ATG5: variants seen among roughly 807,000 people sequenced by gnomAD.
ATG5 encodes autophagy related 5.
In ATG5, 14 loss-of-function variants were observed where a neutral mutation model predicts 36.5. That is an observed-to-expected ratio of 0.38 (90% CI 0.25 to 0.60). The LOEUF is 0.60. ATG5 is among the 20% of genes least tolerant of loss of function. The pLI is 0.60. For synonymous variants in ATG5, 95 were observed against 101.5 expected (o/e 0.94, Z 0.38); for missense variants, 195 against 326.7 (o/e 0.60, Z 3.11).
At chr6:106,237,706 C>G (rs1360451046) in intron 6 of ATG5, among the ~76,000 whole-genome samples, 1 of 152,100 alleles carries the variant, frequency 6.6e-6, no homozygotes, top group African/African-American at 2.4e-5. Flanking sequence ...ATTGAAAATC[C>G]AGTCCCGAAT....
At chr6:106,186,757 T>C (rs561574434) in intron 7 of ATG5, 81 bp from the exon 8 acceptor site, 5 of 1,477,460 alleles carry the variant, frequency 3.4e-6, no homozygotes, top group African/African-American at 2.8e-5. Flanking sequence ...TGAGAATCCT[T>C]AGTGCATTAA....
intron 5 of ATG5, among the ~76,000 whole-genome samples, chr6:106,274,173 C>T (rs900640112): frequency 6.6e-6 from 1 of 152,086 alleles, no homozygotes; most frequent in South Asian, 2.1e-4. Context: ...TATAGATTTC[C>T]TCAAATCACT....
chr6:106,209,469 G>C (rs6930834), intron 6 of ATG5, among the ~76,000 whole-genome samples: 12,423 of 152,228 alleles, frequency 0.082, 535 homozygotes, highest in South Asian at 0.13. Flanking sequence ...TATAACATTA[G>C]TGAAATGACA....
intron 6 of ATG5, among the ~76,000 whole-genome samples, chr6:106,223,342 A>G (rs1215119138): frequency 6.6e-6 from 1 of 152,220 alleles, no homozygotes; most frequent in African/African-American, 2.4e-5. Flanking sequence ...AACTATTCCA[A>G]TAAAGCTGGA....
intron 3 of ATG5, among the ~76,000 whole-genome samples, chr6:106,307,021 A>C (rs1240079663): frequency 1.3e-5 from 2 of 152,232 alleles, no homozygotes; most frequent in African/African-American, 4.8e-5. Flanking sequence ...GAACCATCTC[A>C]AAGGATTAGA....
chr6:106,243,468 T>TC (rs1257471328), intron 6 of ATG5, among the ~76,000 whole-genome samples: 11 of 150,778 alleles, frequency 7.3e-5, no homozygotes, highest in Non-Finnish European at 1.5e-4. Context: ...GCAGAGGCTG[T>TC]AGTGAGCTGA....
chr6:106,250,798 G>A (rs755242658), intron 5 of ATG5, among the ~76,000 whole-genome samples: 29 of 152,134 alleles, frequency 1.9e-4, no homozygotes, highest in Non-Finnish European at 3.8e-4. Flanking sequence ...AAGTAAACTG[G>A]AAAAAGAAAC....
intron 6 of ATG5, among the ~76,000 whole-genome samples, chr6:106,231,556 ATG>A (rs1354069513): frequency 2.0e-5 from 3 of 151,918 alleles, no homozygotes; most frequent in African/African-American, 7.3e-5. Flanking sequence ...GAGTTATTCA[ATG>A]ATGTCCACTA....
At chr6:106,255,710 A>G (rs917599523) in intron 5 of ATG5, among the ~76,000 whole-genome samples, 2 of 152,178 alleles carry the variant, frequency 1.3e-5, no homozygotes, top group African/African-American at 4.8e-5. Context: ...TAAAAAACAA[A>G]TTATTCTGTT....
chr6:106,322,553 CCTCT>C (rs1170048111), intron 1 of ATG5, among the ~76,000 whole-genome samples: 2 of 152,294 alleles, frequency 1.3e-5, no homozygotes, highest in African/African-American at 2.4e-5. Context: ...TCCTCCTCCT[CCTCT>C]CTCTCAGCTA....
At chr6:106,284,791 G>A (rs1282551107) in intron 4 of ATG5, among the ~76,000 whole-genome samples, 1 of 151,462 alleles carries the variant, frequency 6.6e-6, no homozygotes, top group African/African-American at 2.4e-5. Flanking sequence ...GTGTTTACTG[G>A]CCATTTATAG....
intron 6 of ATG5, among the ~76,000 whole-genome samples, chr6:106,213,772 G>C (rs1336204307): frequency 5.9e-5 from 9 of 152,096 alleles, no homozygotes; most frequent in Non-Finnish European, 1.3e-4. Context: ...TACTGTTTCT[G>C]AATCTGAAAA....
intron 2 of ATG5, among the ~76,000 whole-genome samples, chr6:106,310,990 T>C (rs917877434): frequency 3.3e-5 from 5 of 152,238 alleles, no homozygotes; most frequent in African/African-American, 1.2e-4. Flanking sequence ...TTCATTTTTA[T>C]CTATACAGCT....
chr6:106,191,805 A>G (rs1234853554), intron 7 of ATG5, among the ~76,000 whole-genome samples: 5 of 152,160 alleles, frequency 3.3e-5, no homozygotes, highest in Non-Finnish European at 5.9e-5. Flanking sequence ...ATTTAGTAAC[A>G]AAAAGTAAAG....
chr6:106,269,984 G>C (rs764212573), intron 5 of ATG5, among the ~76,000 whole-genome samples: 4 of 152,214 alleles, frequency 2.6e-5, no homozygotes, highest in Non-Finnish European at 5.9e-5. Flanking sequence ...AATCTGTATT[G>C]CACTGCGAAA....
At chr6:106,309,223 G>A (rs1770558079) in intron 2 of ATG5, among the ~76,000 whole-genome samples, 1 of 152,112 alleles carries the variant, frequency 6.6e-6, no homozygotes, top group South Asian at 2.1e-4. Flanking sequence ...TCTTTTGGCT[G>A]CTTTTATAAC....
At chr6:106,267,484 A>G (rs897634874) in intron 5 of ATG5, among the ~76,000 whole-genome samples, 1 of 152,218 alleles carries the variant, frequency 6.6e-6, no homozygotes, top group Non-Finnish European at 1.5e-5. Context: ...ATTACAAAAA[A>G]ACTACTTTAA....
chr6:106,213,455 CAGT>C (rs1776929957), intron 6 of ATG5, among the ~76,000 whole-genome samples: 1 of 151,968 alleles, frequency 6.6e-6, no homozygotes, highest in Non-Finnish European at 1.5e-5. Context: ...AATATTACAA[CAGT>C]AGAGAATTTC....
intron 7 of ATG5, among the ~76,000 whole-genome samples, chr6:106,190,562 A>G (rs1448721339): frequency 6.6e-6 from 1 of 152,144 alleles, no homozygotes; most frequent in African/African-American, 2.4e-5. Context: ...AGCCTTTTCT[A>G]CATTTCTTAA....
Sources: gnomAD v4.1 joint callset for allele counts (sites outside exome capture counted in the v4.1 genomes callset) on GRCh38, gnomAD v4.1.1 for gene constraint, MANE v1.5 for transcripts, NCBI Gene and HGNC (gene_info 2026-07-23, HGNC 2026-07-21) for gene names.